The following GLI2 variants were observed in gnomAD, a reference collection of about 807,000 sequenced individuals.
GLI2 encodes GLI family zinc finger 2.
GLI2 carries 22 observed loss-of-function variants against 78.9 expected under a neutral mutation model. That is an observed-to-expected ratio of 0.28 (90% CI 0.20 to 0.40). The LOEUF is 0.40. Ranked by LOEUF, GLI2 falls within the 10% of genes least tolerant of loss-of-function variation. The probability of loss-of-function intolerance (pLI) is 1.00; values close to 1 mark genes in which losing one functional copy is unlikely to be tolerated. For missense variants in GLI2, 2,097 were observed against 2,213.2 expected, an observed-to-expected ratio of 0.95 and a Z score of 1.05; for synonymous variants, 974 against 963.7, an observed-to-expected ratio of 1.01 and a Z score of -0.20.
intron 2 of GLI2, chr2:120,867,217 ACC>A (rs1688181932): frequency 6.6e-6 from 1 of 151,754 alleles, no homozygotes; most frequent in East Asian, 1.9e-4. Flanking sequence ...CAAGTTCCAG[ACC>A]CTGGAGGGCA....
intron 2 of GLI2, among the ~76,000 whole-genome samples, chr2:120,858,280 A>G (rs1324872689): frequency 1.3e-5 from 2 of 152,216 alleles, no homozygotes; most frequent in African/African-American, 4.8e-5. Context: ...CAAAATATAA[A>G]CAAACCTGAA....
chr2:120,747,635 A>G (rs2104628373), intron 1 of GLI2, among the ~76,000 whole-genome samples: 1 of 152,350 alleles, frequency 6.6e-6, no homozygotes, highest in Admixed American at 6.5e-5. Context: ...GATGCTGCTG[A>G]ACATCCTGTA....
intron 1 of GLI2, among the ~76,000 whole-genome samples, chr2:120,753,252 C>G (rs376696378): frequency 6.6e-6 from 1 of 152,054 alleles, no homozygotes; most frequent in Admixed American, 6.6e-5. Flanking sequence ...TCCGCCACCA[C>G]GCCCAGCTAA....
chr2:120,881,463 C>A (rs1272940837), intron 2 of GLI2, among the ~76,000 whole-genome samples: 1 of 78,028 alleles, frequency 1.3e-5, no homozygotes, highest in African/African-American at 5.3e-5. Context: ...GGAAGGTGGA[C>A]AGGTTGGGGG....
chr2:120,802,855 G>A (rs566374726), intron 2 of GLI2, among the ~76,000 whole-genome samples: 1 of 152,324 alleles, frequency 6.6e-6, no homozygotes, highest in African/African-American at 2.4e-5. Flanking sequence ...TCCCAGTGTG[G>A]GCCGCACCAG....
At chr2:120,942,817 C>T (rs753573770) in intron 3 of GLI2, among the ~76,000 whole-genome samples, 3 of 147,972 alleles carry the variant, frequency 2.0e-5, no homozygotes, top group Admixed American at 6.6e-5. Flanking sequence ...TTCACTCATT[C>T]GTTCACGCCC....
intron 2 of GLI2, among the ~76,000 whole-genome samples, chr2:120,825,124 C>A (rs1041642012): frequency 6.6e-6 from 1 of 152,156 alleles, no homozygotes; most frequent in Non-Finnish European, 1.5e-5. Context: ...TTGTGCCTGG[C>A]CCCCATGATA....
In GLI2 at chr2:120,840,789, A is replaced by T. The variant is rs865933637; in HGVS notation, c.148+43321A>T. On this transcript the variant is annotated intron_variant, in intron 2 of 13. Transcript: ENST00000361492. ...CTGTTACTAGAGATGCAGCGATCCCATGGCCTTTGCACGTGGGGGTCTCGG... is the reference window on the plus strand; with the variant it reads ...CTGTTACTAGAGATGCAGCGATCCCTTGGCCTTTGCACGTGGGGGTCTCGG... Among the ~76,000 whole-genome samples, 36 of 152,168 alleles carry T rather than the reference A, an allele frequency of 2.4e-4. 1 individual carries two copies. The highest frequency in any genetic ancestry group is 8.2e-4 in the African/African-American group (34 of 41,448).
At chr2:120,900,981 TC>T (rs1393899049) in intron 2 of GLI2, among the ~76,000 whole-genome samples, 1 of 152,220 alleles carries the variant, frequency 6.6e-6, no homozygotes, top group African/African-American at 2.4e-5. Context: ...CAGGTGTAAA[TC>T]TTCACTTTGG....
intron 2 of GLI2, among the ~76,000 whole-genome samples, chr2:120,848,945 A>G (rs1401823593): frequency 1.3e-5 from 2 of 152,240 alleles, no homozygotes; most frequent in African/African-American, 4.8e-5. Flanking sequence ...TAAATGGATG[A>G]TGAAGGCAAG....
intron 2 of GLI2, among the ~76,000 whole-genome samples, chr2:120,891,288 A>C (rs1677667978): frequency 6.6e-6 from 1 of 152,086 alleles, no homozygotes; most frequent in Non-Finnish European, 1.5e-5. Flanking sequence ...CCTGTTGAAC[A>C]AGTGGGTGTA....
intron 1 of GLI2, among the ~76,000 whole-genome samples, chr2:120,781,130 G>A (rs1683835969): frequency 6.6e-6 from 1 of 152,238 alleles, no homozygotes. Flanking sequence ...GGCCTGGTGG[G>A]AGGCTGAGAT....
At chr2:120,791,850 G>C (rs184882442) in intron 1 of GLI2, among the ~76,000 whole-genome samples, 1 of 152,142 alleles carries the variant, frequency 6.6e-6, no homozygotes, top group Non-Finnish European at 1.5e-5. Context: ...TGTGGCCTGC[G>C]TGCAGGTGTA....
At chr2:120,752,184 A>G (rs925169151) in intron 1 of GLI2, among the ~76,000 whole-genome samples, 2 of 151,438 alleles carry the variant, frequency 1.3e-5, no homozygotes, top group African/African-American at 4.9e-5. Context: ...ATTTAGCAAT[A>G]TGTCTTGGCA....
At chr2:120,861,789 G>A (rs1473130672) in intron 2 of GLI2, among the ~76,000 whole-genome samples, 9 of 152,290 alleles carry the variant, frequency 5.9e-5, no homozygotes, top group Non-Finnish European at 1.2e-4. Context: ...CTGCCTGCAC[G>A]TTAAGTGCTA....
chr2:120,772,098 T>A (rs1239082571), intron 1 of GLI2, among the ~76,000 whole-genome samples: 1 of 152,146 alleles, frequency 6.6e-6, no homozygotes, highest in African/African-American at 2.4e-5. Context: ...TTTGTCTCTG[T>A]GCTAGGGCAG....
chr2:120,899,069 A>T (rs1011892528), intron 2 of GLI2, among the ~76,000 whole-genome samples: 1 of 152,074 alleles, frequency 6.6e-6, no homozygotes, highest in Non-Finnish European at 1.5e-5. Flanking sequence ...CCTCTCTCCA[A>T]ACACTGGGTC....
chr2:120,778,177 T>C (rs1246477737), intron 1 of GLI2, among the ~76,000 whole-genome samples: 1 of 152,134 alleles, frequency 6.6e-6, no homozygotes, highest in Admixed American at 6.5e-5. Context: ...CCCCCACAGA[T>C]GATGGCCAAG....
intron 2 of GLI2, among the ~76,000 whole-genome samples, chr2:120,847,749 G>A (rs1322690698): frequency 1.3e-5 from 2 of 150,032 alleles, no homozygotes; most frequent in African/African-American, 2.5e-5. Flanking sequence ...TTGGCTGCGT[G>A]GGGGGCAGGG....
Sources: allele counts gnomAD v4.1 joint callset (sites outside exome capture counted in the v4.1 genomes callset), GRCh38; gene constraint gnomAD v4.1.1; transcripts MANE v1.5; gene names NCBI Gene and HGNC (gene_info 2026-07-23, HGNC 2026-07-21).